The following G2E3 variants were observed in gnomAD, a reference collection of about 807,000 sequenced individuals.
G2E3 encodes the protein G2/M phase-specific E3 ubiquitin-protein ligase.
Under a neutral mutation model 92.8 loss-of-function variants are expected in G2E3, and 35 were observed. The observed-to-expected ratio is 0.38, with a 90% CI of 0.29 to 0.50. The LOEUF is 0.50. G2E3 is among the 20% of genes least tolerant of loss of function. The probability of loss-of-function intolerance (pLI) is 0.94; values close to 1 mark genes in which losing one functional copy is unlikely to be tolerated. For synonymous variants in G2E3, 242 were observed against 272.4 expected (o/e 0.89, Z 1.10); for missense variants, 554 against 823.8 (o/e 0.67, Z 4.01).
Position 30,616,503 on chromosome 14 carries a change from A to C in G2E3, c.2090A>C (p.Lys697Thr). The change falls in exon 15 of 15, where the codon AAG (lysine) becomes ACG (threonine). Residue 697 changes from lysine to threonine, a missense_variant. By Grantham distance (78) the Lys-to-Thr change is moderately conservative. Coordinates refer to ENST00000206595, the MANE Select transcript of G2E3 (RefSeq NM_017769.5). ...ATAAGAAACACTCTAAGACTAGAAA[A>C]GGAAGAAAGTTCTCATTACATTGGA... ...FTIRNTLRLE[K>T]EESSHYIGH is the part of the protein sequence containing the mutation. 6.2e-7 allele frequency: 1 copy of C among 1,601,902 alleles called. No homozygotes were observed. Among genetic ancestry groups the C allele is most frequent in the Non-Finnish European group, 8.5e-7 (1 of 1,172,546 alleles).
intron 8 of G2E3, among the ~76,000 whole-genome samples, chr14:30,601,468 A>C (rs1487886379): frequency 1.3e-5 from 2 of 152,182 alleles, no homozygotes; most frequent in Admixed American, 1.3e-4. Flanking sequence ...TCTAAGTAGA[A>C]AGGAAAATTT....
At chr14:30,576,355 A>G (rs1880089272) in intron 1 of G2E3, among the ~76,000 whole-genome samples, 1 of 152,232 alleles carries the variant, frequency 6.6e-6, no homozygotes, top group Non-Finnish European at 1.5e-5. Context: ...CTAACACCAT[A>G]CACAAAAACC....
intron 12 of G2E3, among the ~76,000 whole-genome samples, chr14:30,611,029 G>T (rs1053218007): frequency 6.6e-5 from 10 of 152,240 alleles, no homozygotes; most frequent in Non-Finnish European, 1.0e-4. Context: ...TTACAAAACC[G>T]TCTAAGGACT....
intron 1 of G2E3, among the ~76,000 whole-genome samples, chr14:30,562,598 GTCTCCCTTT>G (rs1879172326): frequency 6.6e-6 from 1 of 152,038 alleles, no homozygotes; most frequent in Non-Finnish European, 1.5e-5. Flanking sequence ...GGGAAAGGGA[GTCTCCCTTT>G]CCCCGGGGGA....
chr14:30,598,008 T>C (rs981617239), intron 7 of G2E3: 18 of 157,028 alleles, frequency 1.1e-4, no homozygotes, highest in Admixed American at 1.0e-3. Flanking sequence ...AACTGTATGA[T>C]AAAATAACAC....
At chr14:30,600,056 G>A (rs1881490593) in intron 8 of G2E3, among the ~76,000 whole-genome samples, 3 of 152,202 alleles carry the variant, frequency 2.0e-5, no homozygotes, top group Admixed American at 2.0e-4. Flanking sequence ...TTTTTAAGAT[G>A]TAGGATAAGT....
chr14:30,586,184 A>G (rs574043864), intron 2 of G2E3, among the ~76,000 whole-genome samples: 19 of 152,286 alleles, frequency 1.2e-4, no homozygotes, highest in Admixed American at 6.5e-4. Flanking sequence ...CATACAGGTC[A>G]AAACAATCAC....
chr14:30,593,428 T>C (rs763118158), intron 5 of G2E3, 46 bp from the exon 6 acceptor site: 4 of 899,580 alleles, frequency 4.4e-6, no homozygotes, highest in Non-Finnish European at 5.2e-6. Context: ...TTCCAAGTTT[T>C]GCTTTGCAGT....
chr14:30,604,987 C>T (rs1234624119), intron 10 of G2E3, among the ~76,000 whole-genome samples: 2 of 152,264 alleles, frequency 1.3e-5, no homozygotes, highest in Non-Finnish European at 2.9e-5. Context: ...ACCTCTGCTT[C>T]CCGGGTTCAA....
chr14:30,604,208 A>C (rs1881713343), intron 10 of G2E3, among the ~76,000 whole-genome samples: 1 of 152,222 alleles, frequency 6.6e-6, no homozygotes, highest in Non-Finnish European at 1.5e-5. Flanking sequence ...TGCTATAAAA[A>C]AGGTATGTTT....
At chr14:30,593,677 T>C (rs761449206) in intron 6 of G2E3, 38 bp downstream of exon 6, 24 of 1,393,122 alleles carry the variant, frequency 1.7e-5, no homozygotes, top group Non-Finnish European at 2.4e-5. Context: ...CTGATTGATA[T>C]AAAATTATGG....
At chr14:30,615,693 A>G (rs1882282206) in intron 14 of G2E3, among the ~76,000 whole-genome samples, 154 bp downstream of exon 14, 1 of 152,222 alleles carries the variant, frequency 6.6e-6, no homozygotes. Context: ...AAGCAAGTTT[A>G]TATGACTGAA....
intron 13 of G2E3, 45 bp from the exon 14 acceptor site, chr14:30,615,304 A>C: frequency 1.0e-6 from 1 of 975,632 alleles, no homozygotes; most frequent in Non-Finnish European, 1.5e-6. Context: ...TATAATACCA[A>C]ACACACATGT....
At chr14:30,585,491 T>C (rs1880659837) in intron 2 of G2E3, among the ~76,000 whole-genome samples, 4 of 152,164 alleles carry the variant, frequency 2.6e-5, no homozygotes, top group Admixed American at 2.6e-4. Flanking sequence ...ATTTCTGGAC[T>C]CTTCTTTTTC....
At chr14:30,568,459 C>T (rs1255060477) in intron 1 of G2E3, among the ~76,000 whole-genome samples, 2 of 151,950 alleles carry the variant, frequency 1.3e-5, no homozygotes, top group African/African-American at 4.8e-5. Flanking sequence ...TTTCTAAATA[C>T]TATCTTTCTG....
At chr14:30,598,725 G>T in intron 8 of G2E3, 126 bp downstream of exon 8, 1 of 732,714 alleles carries the variant, frequency 1.4e-6, no homozygotes, top group Non-Finnish European at 2.5e-6. Context: ...TTGAGATGAG[G>T]GATATTTTCT....
Position 30,592,384 on chromosome 14 carries a change from G to A in G2E3, c.299G>A (p.Arg100Gln). The part of the protein sequence containing the change: ...SIGCVAPRCK[R>Q]SYHFPCGLQR... ...GGATGTGTTGCACCCCGATGTAAAC[G>A]AAGTTATCATTTCCCATGTGGACTT... Residue 100 changes from arginine (R) to glutamine (Q), a missense_variant, in exon 5 of 15, where the codon CGA becomes CAA. Physicochemically the swap from Arg to Gln is conservative, Grantham distance 43. Around this residue, in one of 3 missense-constraint regions of G2E3, gnomAD observed 137 missense variants for 201.3 expected, o/e 0.68. Transcript: ENST00000206595. 2 of 1,606,932 alleles carry A rather than the reference G, an allele frequency of 1.2e-6. No homozygotes were observed. The highest frequency in any genetic ancestry group is 1.7e-6 in the Non-Finnish European group (2 of 1,176,942).
chr14:30,578,051 C>T (rs1020149719), intron 1 of G2E3, among the ~76,000 whole-genome samples: 6 of 151,808 alleles, frequency 4.0e-5, no homozygotes, highest in Non-Finnish European at 8.8e-5. Context: ...TGAAGGAAAA[C>T]ATCTAAAAGA....
rs550439653 is a variant in G2E3 at position 30,582,383 on chromosome 14, C to A, written c.37+1267C>A. ...TAAAAATAATCTACTTATAAAAATGCATGCCTGAAACCTAGTCTGTTCTGC... is the reference window on the plus strand; with the variant it reads ...TAAAAATAATCTACTTATAAAAATGAATGCCTGAAACCTAGTCTGTTCTGC... On this transcript the variant is annotated intron_variant, in intron 2 of 14. Transcript: ENST00000206595. 2.6e-5 allele frequency among the ~76,000 whole-genome samples: 4 copies of A among 152,246 alleles called. No homozygotes were observed. In the South Asian group the frequency reaches 8.3e-4, roughly 32 times the overall value.
Sources: allele counts gnomAD v4.1 joint callset (sites outside exome capture counted in the v4.1 genomes callset), GRCh38; gene constraint gnomAD v4.1.1; regional missense constraint gnomAD v4.1.1; transcripts MANE v1.5; gene names NCBI Gene and HGNC (gene_info 2026-07-23, HGNC 2026-07-21).